The following FBXL20 variants were observed in gnomAD, a reference collection of about 807,000 sequenced individuals.
FBXL20 encodes F-box/LRR-repeat protein 20.
In FBXL20, 11 loss-of-function variants were observed where a neutral mutation model predicts 64.0. The observed-to-expected ratio is 0.17, with a 90% CI of 0.11 to 0.28. The LOEUF is 0.28. FBXL20 is among the 10% of genes least tolerant of loss of function. The pLI is 1.00. For missense variants in FBXL20, 303 were observed against 526.2 expected (o/e 0.58, Z 4.15); for synonymous variants, 184 against 189.0 (o/e 0.97, Z 0.22).
intron 2 of FBXL20, among the ~76,000 whole-genome samples, chr17:39,328,173 G>A (rs908969087): frequency 1.4e-5 from 2 of 146,502 alleles, no homozygotes; most frequent in Non-Finnish European, 3.0e-5. Flanking sequence ...GTTTGAACAT[G>A]GGAGGTGGAG....
At chr17:39,322,438 G>GTA (rs1408373568) in intron 2 of FBXL20, among the ~76,000 whole-genome samples, 1 of 152,024 alleles carries the variant, frequency 6.6e-6, no homozygotes, top group Non-Finnish European at 1.5e-5. Context: ...CATAAACTGA[G>GTA]TATTAAAATG....
At chr17:39,384,009 G>A (rs2048052639) in intron 1 of FBXL20, among the ~76,000 whole-genome samples, 1 of 151,960 alleles carries the variant, frequency 6.6e-6, no homozygotes, top group African/African-American at 2.4e-5. Context: ...CAAGGCAGGA[G>A]GACTGCTTGA....
rs751264955 is a variant in FBXL20, at chr17:39,265,388, T to A, written c.990+9A>T. Reference sequence around the variant, plus strand: ...AGTAAACACATAAAGTTTTCAAAGTTAAACTCACCAATACTTGAAGTCGAG... The same window carrying A: ...AGTAAACACATAAAGTTTTCAAAGTAAAACTCACCAATACTTGAAGTCGAG... On this transcript the variant is annotated intron_variant, in intron 13 of 14. Coordinates refer to ENST00000264658, the MANE Select transcript of FBXL20 (RefSeq NM_032875.3). 1 of 1,604,840 alleles carries A rather than the reference T, an allele frequency of 6.2e-7. No homozygotes were observed. The highest frequency in any genetic ancestry group is 1.1e-5 in the South Asian group (1 of 90,348).
intron 7 of FBXL20, among the ~76,000 whole-genome samples, chr17:39,284,460 A>C (rs1234363533): frequency 2.0e-5 from 3 of 152,178 alleles, no homozygotes; most frequent in African/African-American, 7.2e-5. Flanking sequence ...AGCTCACTGC[A>C]GCCTCAACCT....
chr17:39,355,223 C>T (rs781034672), intron 1 of FBXL20, among the ~76,000 whole-genome samples: 4 of 152,094 alleles, frequency 2.6e-5, no homozygotes, highest in East Asian at 3.9e-4. Flanking sequence ...TGAGCCACCA[C>T]GCCCGGCCTA....
chr17:39,277,247 A>G (rs1467057574), intron 9 of FBXL20, among the ~76,000 whole-genome samples: 1 of 152,230 alleles, frequency 6.6e-6, no homozygotes, highest in African/African-American at 2.4e-5. Context: ...GGCAGCTAAA[A>G]AAGTCCCACA....
intron 1 of FBXL20, among the ~76,000 whole-genome samples, chr17:39,367,684 A>C (rs1406782041): frequency 2.0e-5 from 3 of 151,962 alleles, no homozygotes; most frequent in Non-Finnish European, 4.4e-5. Context: ...CCAAATTTTT[A>C]CTAATTCTTT....
intron 1 of FBXL20, among the ~76,000 whole-genome samples, chr17:39,396,634 G>C (rs376159652): frequency 1.3e-5 from 2 of 150,346 alleles, no homozygotes; most frequent in South Asian, 2.1e-4. Context: ...CAAAGTTACA[G>C]TTAGTTGCTA....
chr17:39,367,190 C>G (rs1294091118), intron 1 of FBXL20, among the ~76,000 whole-genome samples: 1 of 151,980 alleles, frequency 6.6e-6, no homozygotes, highest in African/African-American at 2.4e-5. Flanking sequence ...GCCTATCAGT[C>G]CTTTCAATCT....
At chr17:39,278,877 G>A (rs1209411310) in intron 9 of FBXL20, among the ~76,000 whole-genome samples, 4 of 151,896 alleles carry the variant, frequency 2.6e-5, no homozygotes, top group Admixed American at 6.5e-5. Context: ...ATCATGGCCG[G>A]GTGCAGTGGC....
intron 1 of FBXL20, among the ~76,000 whole-genome samples, chr17:39,351,711 T>A (rs1266812784): frequency 6.6e-6 from 1 of 152,166 alleles, no homozygotes; most frequent in Non-Finnish European, 1.5e-5. Flanking sequence ...TTCTGTCATC[T>A]ATAAACAATT....
intron 2 of FBXL20, among the ~76,000 whole-genome samples, chr17:39,310,682 C>A (rs1443199974): frequency 6.6e-6 from 1 of 151,812 alleles, no homozygotes; most frequent in African/African-American, 2.4e-5. Context: ...GACCCTATCT[C>A]TACAAAAAAA....
chr17:39,268,044 C>G (rs2046807975), intron 12 of FBXL20, among the ~76,000 whole-genome samples: 1 of 152,062 alleles, frequency 6.6e-6, no homozygotes, highest in Non-Finnish European at 1.5e-5. Context: ...TTTCCTTGGT[C>G]AATTAATAAT....
rs999270730 is a variant in FBXL20 at position 39,345,868 on chromosome 17, C to T, written c.43-2627G>A. Among the ~76,000 whole-genome samples, 9 of 152,134 alleles carry T rather than the reference C, an allele frequency of 5.9e-5. No homozygotes were observed. The East Asian group carries it at 7.7e-4, about 13-fold the overall frequency. ...AATATTTTCTGATTACAATAACCTA[C>T]GTTCCAGATAAATGGAAAGCCCTGT... On this transcript the variant is annotated intron_variant, in intron 1 of 14. Transcript: ENST00000264658.
rs532761455 is a variant in FBXL20, at chr17:39,269,445, G to A, written c.889-574C>T. 5.3e-5 allele frequency among the ~76,000 whole-genome samples: 8 copies of A among 151,440 alleles called. No individual in the cohort carries two copies. In the South Asian group the frequency reaches 1.3e-3, roughly 24 times the overall value. On this transcript the variant is annotated intron_variant, in intron 11 of 14. Transcript: ENST00000264658. The stretch of plus-strand genomic sequence containing the variant: ...CCTGACCTCGTGATCCGCCCGCCTC[G>A]GCCTCCCAAAATGCTGGGATTACAG...
At chr17:39,270,919 TAA>T in intron 10 of FBXL20, 63 bp from the exon 11 acceptor site, 1 of 1,315,590 alleles carries the variant, frequency 7.6e-7, no homozygotes, top group Non-Finnish European at 1.0e-6. Context: ...CTGAGTTTAT[TAA>T]AACAGTAAGA....
chr17:39,293,471 C>T (rs1057050141), intron 6 of FBXL20, among the ~76,000 whole-genome samples: 1 of 152,142 alleles, frequency 6.6e-6, no homozygotes. Flanking sequence ...GATCTGCCCA[C>T]CTCAGCCTCC....
Position 39,255,438 on chromosome 17 carries a change from AAAAT to A in FBXL20, c.*6018_*6021del, listed in dbSNP as rs996747872. On this transcript the variant is annotated 3_prime_UTR_variant, in exon 15 of 15. Transcript: ENST00000264658. ...GGAAACAGAGCGAGACTCTGTCTCA[AAAAT>A]AAATAAATAAATAAATACAACAGGT... is the stretch of plus-strand genomic sequence containing the variant. 3 of 151,998 alleles carry A rather than the reference AAAAT, an allele frequency of 2.0e-5. No homozygotes were observed. Among genetic ancestry groups the A allele is most frequent in the South Asian group, 2.1e-4 (1 of 4,802 alleles). 9.4% of individuals were successfully genotyped at this position (151,998 alleles called of 1,614,324 possible). A position where few individuals can be genotyped will look rare whatever the true frequency, so the allele number is the denominator to read the frequency against.
chr17:39,361,266 A>AT (rs921349130), intron 1 of FBXL20, among the ~76,000 whole-genome samples: 1 of 152,146 alleles, frequency 6.6e-6, no homozygotes, highest in African/African-American at 2.4e-5. Context: ...AGCCAAGCAG[A>AT]TTGAGCTGCC....
Sources: gnomAD v4.1 joint callset for allele counts (sites outside exome capture counted in the v4.1 genomes callset) on GRCh38, gnomAD v4.1.1 for gene constraint, MANE v1.5 for transcripts, NCBI Gene and HGNC (gene_info 2026-07-23, HGNC 2026-07-21) for gene names.